Variants in PGM2L1 observed in about 807,000 individuals in gnomAD.
The protein encoded by PGM2L1 is glucose 1,6-bisphosphate synthase.
A neutral mutation model predicts 73.4 loss-of-function variants in PGM2L1; 35 were observed. That is an observed-to-expected ratio of 0.48 (90% CI 0.36 to 0.63). The LOEUF (loss-of-function observed/expected upper bound fraction) is 0.63, where lower values mean the gene tolerates loss of function less well. Among genes scored for constraint, PGM2L1 ranks in the 30% least tolerant of loss-of-function variants. The probability of loss-of-function intolerance (pLI) is 0.00; values close to 1 mark genes in which losing one functional copy is unlikely to be tolerated. For synonymous variants in PGM2L1, 225 were observed against 253.8 expected (o/e 0.89, Z 1.08); for missense variants, 570 against 742.0 (o/e 0.77, Z 2.69).
At chr11:74,364,820 C>T (rs1862629252) in intron 5 of PGM2L1, among the ~76,000 whole-genome samples, 1 of 152,154 alleles carries the variant, frequency 6.6e-6, no homozygotes, top group African/African-American at 2.4e-5. Flanking sequence ...ATGCCATCCC[C>T]ATCAAGCTAC....
chr11:74,381,624 G>A (rs553075330), intron 1 of PGM2L1, among the ~76,000 whole-genome samples: 1 of 144,550 alleles, frequency 6.9e-6, no homozygotes, highest in Admixed American at 7.0e-5. Flanking sequence ...TGTTGCTCAG[G>A]CTGGAGTACA....
chr11:74,339,804 T>C (rs1862157008), intron 12 of PGM2L1, among the ~76,000 whole-genome samples: 1 of 152,206 alleles, frequency 6.6e-6, no homozygotes, highest in Admixed American at 6.5e-5. Context: ...TGCTTTTTCA[T>C]CTCTGGACCT....
chr11:74,340,557 A>T (rs574315537), intron 12 of PGM2L1, among the ~76,000 whole-genome samples: 1 of 152,344 alleles, frequency 6.6e-6, no homozygotes, highest in African/African-American at 2.4e-5. Flanking sequence ...GAATCTTGAG[A>T]CCACATCAGA....
In PGM2L1 at chr11:74,374,674, G is replaced by A. The variant is rs1862830803; in HGVS notation, c.112-92C>T. 7.5e-6 allele frequency: 8 copies of A among 1,061,270 alleles called. No homozygotes were observed. The South Asian group carries it at 1.2e-4, about 16-fold the overall frequency. The allele number at this position is 1,061,270 out of a possible 1,614,324, so 65.7% of individuals were successfully genotyped here. ...AGGGGTCAATATGTACATATCACAAGGTTCAACATTCAATATAAATTCCAC... is the reference window on the plus strand; with the variant it reads ...AGGGGTCAATATGTACATATCACAAAGTTCAACATTCAATATAAATTCCAC... On this transcript the variant is annotated intron_variant, in intron 1 of 13. Transcript: ENST00000298198.
Position 74,398,262 on chromosome 11 carries a change from C to T in PGM2L1, c.-101G>A, listed in dbSNP as rs1863213105. 1 of 1,428,152 alleles carries T rather than the reference C, an allele frequency of 7.0e-7. No individual in the cohort carries two copies. The highest frequency in any genetic ancestry group is 1.4e-5 in the African/African-American group (1 of 69,920). 88.5% of individuals were successfully genotyped at this position (1,428,152 alleles called of 1,614,324 possible). ...CACCAGGGTCCAGGCGTCCCCACCT[C>T]ACTGAAGGGCATCGGAGACCAACCG... On this transcript the variant is annotated 5_prime_UTR_variant, in exon 1 of 14. Transcript: ENST00000298198.
chr11:74,369,674 A>G lies in PGM2L1; in HGVS notation c.472-1099T>C, dbSNP rs529606193. On this transcript the variant is annotated intron_variant, in intron 4 of 13. Transcript: ENST00000298198. The stretch of plus-strand genomic sequence containing the variant: ...ATTAACAATTTGCCAAGGCACAGAA[A>G]AGATGCTTGCTTGTAATATAAATAA... Among the ~76,000 whole-genome samples the G allele has an allele frequency of 2.0e-5, 3 of 152,364 alleles. No homozygotes were observed. In the East Asian group the frequency reaches 5.8e-4, roughly 29 times the overall value.
chr11:74,351,249 T>C, intron 6 of PGM2L1, 134 bp downstream of exon 6: 1 of 819,854 alleles, frequency 1.2e-6, no homozygotes. Flanking sequence ...TTATTTCCAC[T>C]CTTTGACTCT....
Position 74,398,282 on chromosome 11 carries a change from C to G in PGM2L1, c.-121G>C. The G allele has an allele frequency of 7.3e-7, 1 of 1,372,374 alleles. No individual in the cohort carries two copies. The allele number at this position is 1,372,374 out of a possible 1,614,324, so 85.0% of individuals were successfully genotyped here. ...CACCTCACTGAAGGGCATCGGAGAC[C>G]AACCGCAGGGTGTTCGTAACAGCTC... On this transcript the variant is annotated 5_prime_UTR_variant, in exon 1 of 14. Coordinates refer to ENST00000298198, the MANE Select transcript of PGM2L1 (RefSeq NM_173582.6).
In PGM2L1 at chr11:74,351,576, C is replaced by A; in HGVS notation, c.556G>T (p.Val186Phe). Reference sequence around the variant, plus strand: ...ATCTGAGCACCAGTTTCCCAGTAAACCTAGATGATAAGTAAATATAACCAT... The same window carrying A: ...ATCTGAGCACCAGTTTCCCAGTAAAACTAGATGATAAGTAAATATAACCAT... ...HNRKEDNGYKVYWETGAQITS... is the reference protein window; with the variant it reads ...HNRKEDNGYKFYWETGAQITS... The change falls in exon 6 of 14, where the codon GTT becomes TTT. Residue 186 changes from valine (V) to phenylalanine (F), a missense_variant and splice_region_variant. Physicochemically the swap from Val to Phe is conservative, Grantham distance 50. Transcript: ENST00000298198. 1 of 1,591,556 alleles carries A rather than the reference C, an allele frequency of 6.3e-7. No individual in the cohort carries two copies. The highest frequency in any genetic ancestry group is 8.5e-7 in the Non-Finnish European group (1 of 1,169,848).
At chr11:74,358,754 T>C (rs1862502928) in intron 5 of PGM2L1, among the ~76,000 whole-genome samples, 1 of 152,148 alleles carries the variant, frequency 6.6e-6, no homozygotes, top group Non-Finnish European at 1.5e-5. Flanking sequence ...CCAGGCGTGA[T>C]GGTGCACGCC....
At position 74,330,695 on chromosome 11, in the gene PGM2L1, A is replaced by C. The variant is rs1591157450; in HGVS notation, c.*5957T>G. 6.6e-6 allele frequency: 1 copy of C among 152,622 alleles called. No individual in the cohort carries two copies. Among genetic ancestry groups the C allele is most frequent in the East Asian group, 1.9e-4 (1 of 5,198 alleles). 9.5% of individuals were successfully genotyped at this position (152,622 alleles called of 1,614,324 possible). A position where few individuals can be genotyped will look rare whatever the true frequency, so the allele number is the denominator to read the frequency against. On this transcript the variant is annotated 3_prime_UTR_variant, in exon 14 of 14. Coordinates refer to ENST00000298198, the MANE Select transcript of PGM2L1 (RefSeq NM_173582.6). ...ATAACAGTGGACAAAAACATACCAA[A>C]TAGGATCAAATTTGTTGTGACTCAC...
chr11:74,360,413 C>A (rs1165755349), intron 5 of PGM2L1, among the ~76,000 whole-genome samples: 1 of 151,798 alleles, frequency 6.6e-6, no homozygotes, highest in East Asian at 1.9e-4. Context: ...TCCTTGAGTT[C>A]AGGATAGCAG....
chr11:74,339,963 C>T (rs1409792003), intron 12 of PGM2L1, among the ~76,000 whole-genome samples: 1 of 152,180 alleles, frequency 6.6e-6, no homozygotes, highest in African/African-American at 2.4e-5. Context: ...CCTATGCATG[C>T]CTCCCCTGGT....
At chr11:74,371,055 A>C in intron 3 of PGM2L1, 69 bp from the exon 4 acceptor site, 1 of 1,129,148 alleles carries the variant, frequency 8.9e-7, no homozygotes, top group South Asian at 1.3e-5. Flanking sequence ...TTCCACATAA[A>C]TGTTTCATAT....
intron 4 of PGM2L1, among the ~76,000 whole-genome samples, chr11:74,370,070 G>C (rs559969732): frequency 6.6e-6 from 1 of 152,152 alleles, no homozygotes; most frequent in South Asian, 2.1e-4. Flanking sequence ...TTTTTACAAA[G>C]AAATAAAGTA....
At chr11:74,354,319 C>T in intron 5 of PGM2L1, 1 of 518,268 alleles carries the variant, frequency 1.9e-6, no homozygotes, top group Non-Finnish European at 3.4e-6. Flanking sequence ...AAAATATGTC[C>T]AGGAATAAAT....
At chr11:74,343,540 A>G in intron 9 of PGM2L1, 124 bp from the exon 10 acceptor site, 2 of 1,387,886 alleles carry the variant, frequency 1.4e-6, no homozygotes, top group Non-Finnish European at 1.9e-6. Flanking sequence ...TCAGTCCACA[A>G]AGATTTATAC....
At chr11:74,396,665 C>T (rs938689518) in intron 1 of PGM2L1, among the ~76,000 whole-genome samples, 17 of 152,286 alleles carry the variant, frequency 1.1e-4, no homozygotes, top group African/African-American at 3.4e-4. Flanking sequence ...CCACCCGCCT[C>T]GGCCTCCCAA....
intron 5 of PGM2L1, among the ~76,000 whole-genome samples, chr11:74,352,134 C>T (rs1027508888): frequency 2.6e-5 from 4 of 151,760 alleles, no homozygotes; most frequent in Non-Finnish European, 5.9e-5. Flanking sequence ...TAGAAGTATA[C>T]CTTAATAACA....
Sources: allele counts gnomAD v4.1 joint callset (sites outside exome capture counted in the v4.1 genomes callset), GRCh38; gene constraint gnomAD v4.1.1; transcripts MANE v1.5; gene names NCBI Gene and HGNC (gene_info 2026-07-23, HGNC 2026-07-21).